Variants in C6orf52 observed in about 807,000 individuals in gnomAD.
C6orf52 encodes the protein chromosome 6 open reading frame 52.
C6orf52 carries 16 observed loss-of-function variants against 16.6 expected under a neutral mutation model. The ratio of observed to expected loss-of-function variants is 0.96; its 90% confidence interval spans 0.65 to 1.46. C6orf52 has a LOEUF of 1.46. C6orf52 is among the 40% of genes most tolerant of loss of function. The pLI, the probability that C6orf52 is intolerant of heterozygous loss-of-function variation, is 0.00. For missense variants in C6orf52, 166 were observed against 182.3 expected, an observed-to-expected ratio of 0.91 and a Z score of 0.52; for synonymous variants, 53 against 61.4, an observed-to-expected ratio of 0.86 and a Z score of 0.64.
intron 4 of C6orf52, among the ~76,000 whole-genome samples, chr6:10,682,719 C>T (rs1768507449): frequency 6.6e-6 from 1 of 152,166 alleles, no homozygotes; most frequent in African/African-American, 2.4e-5. Flanking sequence ...GAGTGTTTGT[C>T]TCTAGGCAGG....
chr6:10,680,851 CA>C (rs1768318733), intron 4 of C6orf52, among the ~76,000 whole-genome samples: 1 of 152,156 alleles, frequency 6.6e-6, no homozygotes, highest in South Asian at 2.1e-4. Flanking sequence ...CCCAGGCTGA[CA>C]TGCAGTGGCA....
chr6:10,681,509 G>A (rs1424665328), intron 4 of C6orf52, among the ~76,000 whole-genome samples: 2 of 152,102 alleles, frequency 1.3e-5, no homozygotes, highest in African/African-American at 4.8e-5. Context: ...TCCTTGAGGT[G>A]CAACTGCATT....
chr6:10,689,513 G>A (rs1255934727), intron 1 of C6orf52, among the ~76,000 whole-genome samples: 2 of 152,158 alleles, frequency 1.3e-5, no homozygotes, highest in East Asian at 3.8e-4. Context: ...TTTCACTTGG[G>A]CTAGCAATAG....
intron 2 of C6orf52, 58 bp from the exon 3 acceptor site, chr6:10,687,222 T>A: frequency 7.8e-7 from 1 of 1,284,828 alleles, no homozygotes; most frequent in Non-Finnish European, 1.1e-6. Context: ...CCCCAAACCC[T>A]TTCTTCTTTC....
intron 1 of C6orf52, among the ~76,000 whole-genome samples, chr6:10,688,102 C>T (rs115537357): frequency 0.015 from 2,267 of 151,124 alleles, 48 homozygotes; most frequent in African/African-American, 0.053. Flanking sequence ...CAGAGAAGAA[C>T]GCGCTCCCTC....
At chr6:10,686,700 G>C (rs1768894368) in intron 3 of C6orf52, among the ~76,000 whole-genome samples, 1 of 152,190 alleles carries the variant, frequency 6.6e-6, no homozygotes, top group South Asian at 2.1e-4. Context: ...TTATCTGCAA[G>C]TGAACACTTC....
At chr6:10,675,219 C>T (rs749491014) in intron 4 of C6orf52, among the ~76,000 whole-genome samples, 44 of 152,132 alleles carry the variant, frequency 2.9e-4, no homozygotes, top group Non-Finnish European at 6.0e-4. Flanking sequence ...TAGTAACCAC[C>T]ATTCTATGCT....
At chr6:10,677,107 A>G (rs980221015) in intron 4 of C6orf52, among the ~76,000 whole-genome samples, 3 of 152,128 alleles carry the variant, frequency 2.0e-5, no homozygotes, top group Admixed American at 6.5e-5. Context: ...AATGTCGTGG[A>G]GCTTTTCCCT....
At chr6:10,685,696 G>A (rs571051783) in intron 3 of C6orf52, among the ~76,000 whole-genome samples, 3 of 152,200 alleles carry the variant, frequency 2.0e-5, no homozygotes, top group African/African-American at 7.2e-5. Context: ...ATTAGAAAGA[G>A]GATATCAAAG....
intron 4 of C6orf52, chr6:10,672,475 A>T: frequency 1.6e-6 from 1 of 640,994 alleles, no homozygotes. Flanking sequence ...AGGTCATAAG[A>T]GTTGGGTGCT....
chr6:10,684,828 A>G, intron 3 of C6orf52: 1 of 1,285,382 alleles, frequency 7.8e-7, no homozygotes, highest in African/African-American at 1.5e-5. Context: ...GGAGTAAAAG[A>G]GCGCCACCAC....
chr6:10,679,743 A>G (rs1768211888), intron 4 of C6orf52, among the ~76,000 whole-genome samples: 1 of 152,152 alleles, frequency 6.6e-6, no homozygotes, highest in Non-Finnish European at 1.5e-5. Context: ...TAGACTTCTA[A>G]TATTATGTTG....
At chr6:10,686,857 A>G (rs1490132280) in intron 3 of C6orf52, 109 bp downstream of exon 3, 2 of 799,584 alleles carry the variant, frequency 2.5e-6, no homozygotes, top group East Asian at 2.7e-5. Flanking sequence ...AGCAAAAGCC[A>G]TGTCTGTGGG....
At chr6:10,682,261 A>C (rs1379622044) in intron 4 of C6orf52, among the ~76,000 whole-genome samples, 2 of 152,252 alleles carry the variant, frequency 1.3e-5, no homozygotes, top group Non-Finnish European at 2.9e-5. Context: ...AATAAATTGC[A>C]TAACTGATAA....
At position 10,694,590 on chromosome 6, in the gene C6orf52, CAG is replaced by C; in HGVS notation, c.-110_-109del. 3 of 172,406 alleles carry C rather than the reference CAG, an allele frequency of 1.7e-5. No individual in the cohort carries two copies. The highest frequency in any genetic ancestry group is 1.1e-4 in the South Asian group (1 of 8,774). The allele number at this position is 172,406 out of a possible 1,614,324, so 10.7% of individuals were successfully genotyped here. A position where few individuals can be genotyped will look rare whatever the true frequency, so the allele number is the denominator to read the frequency against. ...ACAACAATGCACGCTGCCGGCGCTA[CAG>C]CCCCTAAGCAACCGGCCGGAAGTCG... On this transcript the variant is annotated 5_prime_UTR_variant, in exon 1 of 5. Transcript: ENST00000259983.
At chr6:10,681,552 A>T (rs778191749) in intron 4 of C6orf52, among the ~76,000 whole-genome samples, 7 of 152,206 alleles carry the variant, frequency 4.6e-5, no homozygotes, top group Non-Finnish European at 8.8e-5. Flanking sequence ...TGCCAGATTG[A>T]TGACCAGCCA....
chr6:10,684,750 A>G, intron 3 of C6orf52: 4 of 647,728 alleles, frequency 6.2e-6, no homozygotes, highest in Non-Finnish European at 7.4e-6. Flanking sequence ...ACATTGGGGG[A>G]AGCAGGGAAT....
chr6:10,677,281 C>T (rs550761892), intron 4 of C6orf52, among the ~76,000 whole-genome samples: 15 of 152,248 alleles, frequency 9.9e-5, no homozygotes, highest in African/African-American at 3.4e-4. Context: ...TGCCTTTTCC[C>T]CATTGTGTGT....
intron 4 of C6orf52, among the ~76,000 whole-genome samples, chr6:10,674,177 T>A (rs1193326456): frequency 1.3e-5 from 2 of 152,114 alleles, no homozygotes; most frequent in Non-Finnish European, 2.9e-5. Flanking sequence ...GTGACTTTTA[T>A]AAGGTCACCA....
Sources: allele counts gnomAD v4.1 joint callset (sites outside exome capture counted in the v4.1 genomes callset), GRCh38; gene constraint gnomAD v4.1.1; transcripts MANE v1.5; gene names NCBI Gene and HGNC (gene_info 2026-07-23, HGNC 2026-07-21).